JPH1: variants seen among roughly 807,000 people sequenced by gnomAD.
JPH1 encodes the protein junctophilin 1, also known as junctophilin-1.
Under a neutral mutation model 53.6 loss-of-function variants are expected in JPH1, and 12 were observed. The observed-to-expected ratio is 0.22, with a 90% confidence interval of 0.14 to 0.36. The LOEUF (loss-of-function observed/expected upper bound fraction) is 0.36. JPH1 is among the 10% of genes least tolerant of loss of function. The pLI is 1.00. For synonymous variants in JPH1, 375 were observed against 363.8 expected (o/e 1.03, Z -0.35); for missense variants, 808 against 905.5 (o/e 0.89, Z 1.38).
Position 74,305,443 on chromosome 8 carries a change from T to C in JPH1, c.1139+9418A>G, listed in dbSNP as rs572300814. Among the ~76,000 whole-genome samples the C allele has an allele frequency of 2.2e-4, 34 of 152,298 alleles. No homozygotes were observed. In the South Asian group the frequency reaches 3.3e-3, roughly 15 times the overall value. On this transcript the variant is annotated intron_variant, in intron 2 of 5. Transcript: ENST00000342232. ...CATTTTGGGGGCTTTCCAGAAAACA[T>C]AGGAGTAGGGTGGTTTTCATTACAA...
intron 4 of JPH1, among the ~76,000 whole-genome samples, chr8:74,242,973 T>C (rs1453957904): frequency 6.6e-6 from 1 of 152,226 alleles, no homozygotes; most frequent in East Asian, 1.9e-4. Context: ...ATTCAACTTT[T>C]TTTTCCCCCT....
At chr8:74,269,675 C>T (rs1469057554) in intron 2 of JPH1, among the ~76,000 whole-genome samples, 1 of 152,356 alleles carries the variant, frequency 6.6e-6, no homozygotes, top group East Asian at 1.9e-4. Context: ...TGAGAGTCCA[C>T]ATGATCCCTC....
At chr8:74,270,555 A>G (rs1806669336) in intron 2 of JPH1, among the ~76,000 whole-genome samples, 1 of 152,248 alleles carries the variant, frequency 6.6e-6, no homozygotes, top group Non-Finnish European at 1.5e-5. Flanking sequence ...AAAGAAAAGT[A>G]ACACTTTGGT....
intron 2 of JPH1, among the ~76,000 whole-genome samples, chr8:74,281,074 T>G (rs1254896866): frequency 6.6e-6 from 1 of 152,206 alleles, no homozygotes; most frequent in Non-Finnish European, 1.5e-5. Context: ...CTGGAAATAA[T>G]TAAAATGTTA....
intron 2 of JPH1, among the ~76,000 whole-genome samples, chr8:74,270,368 T>C (rs1586748243): frequency 6.6e-6 from 1 of 152,228 alleles, no homozygotes; most frequent in Admixed American, 6.5e-5. Context: ...TTTTTCCTCA[T>C]GGGAGTCTCA....
At position 74,320,938 on chromosome 8, in the gene JPH1, C is replaced by T. The variant is rs1264693566; in HGVS notation, c.350G>A (p.Gly117Glu). 1 of 1,595,464 alleles carries T rather than the reference C, an allele frequency of 6.3e-7. No individual in the cohort carries two copies. Among genetic ancestry groups the T allele is most frequent in the East Asian group, 2.3e-5 (1 of 43,780 alleles). Residue 117 changes from glycine to glutamate, a missense_variant, in exon 1 of 6, where the codon GGG (glycine) becomes GAG (glutamate). Transcript: ENST00000342232. The surrounding 1 kb of genome is among the most constrained non-coding windows in gnomAD (Gnocchi z 4.4). ...GTCCCCGTAGGTCTCCACGCCGTAC[C>T]CGTCTTGCAGCCCGTTACTCCAGGT... ...EGTWSNGLQD[G>E]YGVETYGDGG...
Position 74,320,130 on chromosome 8 carries a change from G to A in JPH1, c.379+779C>T, listed in dbSNP as rs1292774033. Among the ~76,000 whole-genome samples the A allele has an allele frequency of 6.6e-6, 1 of 152,144 alleles. No homozygotes were observed. Among genetic ancestry groups the A allele is most frequent in the African/African-American group, 2.4e-5 (1 of 41,416 alleles). On this transcript the variant is annotated intron_variant, in intron 1 of 5. Coordinates refer to ENST00000342232, the MANE Select transcript of JPH1 (RefSeq NM_020647.4). The surrounding 1 kb of genome is among the most constrained non-coding windows in gnomAD (Gnocchi z 4.4). ...AGCTATAGGAACACACCTGCTAATT[G>A]TATTCTTTAAAATGTAGACTTCATT...
At chr8:74,316,556 G>C (rs1169651293) in intron 1 of JPH1, among the ~76,000 whole-genome samples, 2 of 152,174 alleles carry the variant, frequency 1.3e-5, no homozygotes, top group African/African-American at 4.8e-5. Context: ...TGGCTAAAAA[G>C]TATACCCTTT....
Position 74,315,311 on chromosome 8 carries a change from G to C in JPH1, c.689C>G (p.Ser230Cys). ...SMKLRKSESK[S>C]SISSKRSSVR... ...AGAGCTGCGCTTGCTCGAGATGGAA[G>C]ACTTGGATTCGGACTTGCGAAGTTT... is the stretch of plus-strand genomic sequence containing the variant. Residue 230 changes from serine (S) to cysteine (C), a missense_variant, in exon 2 of 6, where the codon TCT (serine) becomes TGT (cysteine). Transcript: ENST00000342232. The surrounding 1 kb of genome is among the most constrained non-coding windows in gnomAD (Gnocchi z 6.3). The C allele has an allele frequency of 6.2e-7, 1 of 1,613,950 alleles. No individual in the cohort carries two copies. The highest frequency in any genetic ancestry group is 8.5e-7 in the Non-Finnish European group (1 of 1,180,038).
At chr8:74,306,604 CTT>C (rs5892449) in intron 2 of JPH1, among the ~76,000 whole-genome samples, 2,659 of 147,432 alleles carry the variant, frequency 0.018, 90 homozygotes, top group African/African-American at 0.063. Flanking sequence ...TCTACACTAA[CTT>C]TTTTTTTTTT....
chr8:74,269,722 C>T (rs1418176426), intron 2 of JPH1, among the ~76,000 whole-genome samples: 1 of 152,170 alleles, frequency 6.6e-6, no homozygotes, highest in Non-Finnish European at 1.5e-5. Context: ...TCTATAGAGA[C>T]CTGAGACTCA....
chr8:74,319,139 CACAG>C (rs892902770), intron 1 of JPH1, among the ~76,000 whole-genome samples: 19 of 152,088 alleles, frequency 1.2e-4, no homozygotes, highest in African/African-American at 4.6e-4. Context: ...ACGACATGTA[CACAG>C]ACAGCCTCTA....
chr8:74,297,977 CT>C, intron 2 of JPH1, among the ~76,000 whole-genome samples: 1 of 152,340 alleles, frequency 6.6e-6, no homozygotes, highest in South Asian at 2.1e-4. Flanking sequence ...AAATAATTCT[CT>C]GCTTCTTTCC....
At position 74,297,223 on chromosome 8, in the gene JPH1, T is replaced by G. The variant is rs187727005; in HGVS notation, c.1139+17638A>C. Among the ~76,000 whole-genome samples the G allele has an allele frequency of 2.3e-3, 355 of 152,266 alleles. 2 individuals carry two copies. The highest frequency in any genetic ancestry group is 8.3e-3 in the African/African-American group (346 of 41,558). ...TGGCTGTTTCTTTGCAGGAGCAGGG[T>G]TGATCAGACTCCGACGGGCAAGGAG... On this transcript the variant is annotated intron_variant, in intron 2 of 5. Coordinates refer to ENST00000342232, the MANE Select transcript of JPH1 (RefSeq NM_020647.4).
Position 74,315,218 on chromosome 8 carries a change from T to G in JPH1, c.782A>C (p.Asp261Ala), listed in dbSNP as rs757059389. 6.2e-7 allele frequency: 1 copy of G among 1,614,170 alleles called. No individual in the cohort carries two copies. Among genetic ancestry groups the G allele is most frequent in the Non-Finnish European group, 8.5e-7 (1 of 1,180,042 alleles). Residue 261 changes from aspartate (D) to alanine (A), a missense_variant, in exon 2 of 6, where the codon GAT becomes GCT. Asp to Ala is a moderately radical substitution (Grantham distance 126, BLOSUM62 -2). Around this residue, in one of 2 missense-constraint regions of JPH1, gnomAD observed 756 missense variants for 811.9 expected, o/e 0.93. Coordinates refer to ENST00000342232, the MANE Select transcript of JPH1 (RefSeq NM_020647.4). The surrounding 1 kb of genome is among the most constrained non-coding windows in gnomAD (Gnocchi z 6.3). Reference sequence around the variant, plus strand: ...CACCGGGCAAAAATCACAATCTACATCGCCAAAGCTGATCGTGGAGTTGGC... The same window carrying G: ...CACCGGGCAAAAATCACAATCTACAGCGCCAAAGCTGATCGTGGAGTTGGC... ...SDANSTISFG[D>A]VDCDFCPVED...
chr8:74,237,017 A>C lies in JPH1; in HGVS notation c.*34T>G, dbSNP rs930853818. 16 of 531,042 alleles carry C rather than the reference A, an allele frequency of 3.0e-5. No individual in the cohort carries two copies. Among genetic ancestry groups the C allele is most frequent in the Non-Finnish European group, 5.4e-5 (16 of 296,462 alleles). The allele number at this position is 531,042 out of a possible 1,614,324, so 32.9% of individuals were successfully genotyped here. A position where few individuals can be genotyped will look rare whatever the true frequency, so the allele number is the denominator to read the frequency against. ...GCAGAGAACTGTGGGCTAACACACC[A>C]CTAGTTGTCAGGACTTCACTGAAGG... On this transcript the variant is annotated 3_prime_UTR_variant, in exon 6 of 6. Coordinates refer to ENST00000342232, the MANE Select transcript of JPH1 (RefSeq NM_020647.4).
At chr8:74,316,512 G>A (rs551015282) in intron 1 of JPH1, among the ~76,000 whole-genome samples, 3 of 152,310 alleles carry the variant, frequency 2.0e-5, no homozygotes, top group Non-Finnish European at 4.4e-5. Flanking sequence ...GATGGAGGGT[G>A]TTTGATGACT....
chr8:74,245,256 T>C, intron 3 of JPH1, 81 bp from the exon 4 acceptor site: 2 of 1,220,896 alleles, frequency 1.6e-6, no homozygotes, highest in South Asian at 3.6e-5. Context: ...TAACCTTTTC[T>C]CTTTTAAAAA....
chr8:74,271,162 C>T (rs1165857521), intron 2 of JPH1, among the ~76,000 whole-genome samples: 1 of 152,148 alleles, frequency 6.6e-6, no homozygotes, highest in African/African-American at 2.4e-5. Context: ...TTTCTAGAGG[C>T]CCAAGAATTC....
Sources: gnomAD v4.1 joint callset for allele counts (sites outside exome capture counted in the v4.1 genomes callset) on GRCh38, gnomAD v4.1.1 for gene constraint, gnomAD v4.1.1 regional missense constraint, Gnocchi (gnomAD v3.1) non-coding constraint, MANE v1.5 for transcripts, NCBI Gene and HGNC (gene_info 2026-07-23, HGNC 2026-07-21) for gene names.